CEP63: variants seen among roughly 807,000 people sequenced by gnomAD.
CEP63 encodes centrosomal protein 63.
A neutral mutation model predicts 89.1 loss-of-function variants in CEP63; 84 were observed. The observed-to-expected ratio is 0.94, with a 90% CI of 0.79 to 1.13. The LOEUF (loss-of-function observed/expected upper bound fraction) is 1.13, where lower values mean the gene tolerates loss of function less well. CEP63 is among the 50% of genes most tolerant of loss of function. The pLI is 0.00. For synonymous variants in CEP63, 267 were observed against 272.5 expected (o/e 0.98, Z 0.20); for missense variants, 838 against 813.3 (o/e 1.03, Z -0.37).
the CEP63 span, among the ~76,000 whole-genome samples, chr3:134,778,019 ATTT>A: frequency 6.6e-6 from 1 of 151,886 alleles, no homozygotes; most frequent in Non-Finnish European, 1.5e-5. Flanking sequence ...GTCTTCTCTC[ATTT>A]GTTCTGCAAG....
In CEP63 at chr3:134,545,146, C is replaced by T. The variant is rs754902656; in HGVS notation, c.556-440C>T. ...TCCCGAGTAGCTGGGATTACAGGCACGCGCCACCACGCCCAGCTAATTTTT... is the reference window on the plus strand; with the variant it reads ...TCCCGAGTAGCTGGGATTACAGGCATGCGCCACCACGCCCAGCTAATTTTT... On this transcript the variant is annotated intron_variant, in intron 6 of 14. Transcript: ENST00000675561. Among the ~76,000 whole-genome samples, 67 of 152,034 alleles carry T rather than the reference C, an allele frequency of 4.4e-4. 1 individual carries two copies. Among genetic ancestry groups the T allele is most frequent in the African/African-American group, 1.2e-3 (50 of 41,482 alleles).
At chr3:134,640,575 C>T in the CEP63 span, among the ~76,000 whole-genome samples, 1 of 152,012 alleles carries the variant, frequency 6.6e-6, no homozygotes, top group Non-Finnish European at 1.5e-5. Context: ...GTGTGGTTCG[C>T]AGAACAGAGC....
the CEP63 span, among the ~76,000 whole-genome samples, chr3:134,764,520 G>T: frequency 6.6e-6 from 1 of 152,072 alleles, no homozygotes; most frequent in African/African-American, 2.4e-5. Flanking sequence ...TGCTGCATTT[G>T]CCTCTCACAC....
intron 3 of CEP63, among the ~76,000 whole-genome samples, chr3:134,512,473 G>A (rs917269956): frequency 6.6e-6 from 1 of 152,124 alleles, no homozygotes; most frequent in African/African-American, 2.4e-5. Context: ...ATCATTATTA[G>A]CATTTAATGT....
chr3:134,542,085 C>G (rs1430583400), intron 6 of CEP63, among the ~76,000 whole-genome samples: 1 of 151,826 alleles, frequency 6.6e-6, no homozygotes, highest in African/African-American at 2.4e-5. Flanking sequence ...AAATATTAAG[C>G]CAACATAAAA....
intron 5 of CEP63, chr3:134,536,682 G>C (rs1490666268): frequency 2.8e-5 from 6 of 210,990 alleles, no homozygotes; most frequent in Non-Finnish European, 4.9e-5. Context: ...CTTAGTTTTA[G>C]ATACTGGGAA....
the CEP63 span, among the ~76,000 whole-genome samples, chr3:134,727,635 G>A: frequency 6.6e-6 from 1 of 152,208 alleles, no homozygotes; most frequent in Non-Finnish European, 1.5e-5. Context: ...TTGTTGTGAA[G>A]TCAATCTATA....
chr3:134,614,324 C>T, the CEP63 span, among the ~76,000 whole-genome samples: 2 of 152,146 alleles, frequency 1.3e-5, no homozygotes, highest in African/African-American at 4.8e-5. Flanking sequence ...ATCTTCGCTT[C>T]TACTTTACAG....
the CEP63 span, among the ~76,000 whole-genome samples, chr3:134,690,643 C>G: frequency 0.91 from 137,890 of 152,126 alleles, 63,189 homozygotes; most frequent in East Asian, 1. Flanking sequence ...TTGGTCTCAG[C>G]ATCCCTTTAA....
downstream of CEP63, among the ~76,000 whole-genome samples, chr3:134,591,967 C>T (rs1395574234): frequency 1.3e-5 from 2 of 152,128 alleles, no homozygotes; most frequent in Non-Finnish European, 2.9e-5. Context: ...AACAAATTAC[C>T]CCCAGATTTA....
chr3:134,726,495 C>A, the CEP63 span, among the ~76,000 whole-genome samples: 15 of 151,770 alleles, frequency 9.9e-5, no homozygotes, highest in African/African-American at 2.9e-4. Flanking sequence ...CACACACACA[C>A]ACACACACAC....
At chr3:134,661,201 C>T in the CEP63 span, among the ~76,000 whole-genome samples, 9 of 152,186 alleles carry the variant, frequency 5.9e-5, no homozygotes, top group African/African-American at 1.9e-4. Context: ...TCCACTCCAC[C>T]GCATACTTGA....
At chr3:134,601,368 A>G in the CEP63 span, among the ~76,000 whole-genome samples, 1 of 152,124 alleles carries the variant, frequency 6.6e-6, no homozygotes, top group Admixed American at 6.5e-5. Context: ...ATGCTCCAGG[A>G]TGTATTGATT....
At chr3:134,591,754 G>A (rs935153393), downstream of CEP63, among the ~76,000 whole-genome samples, 3 of 152,052 alleles carry the variant, frequency 2.0e-5, no homozygotes, top group Admixed American at 6.6e-5. Context: ...GGTGGTACAT[G>A]CCTGTAGTTC....
chr3:134,587,150 C>G (rs2107677034), intron 10 of CEP63, among the ~76,000 whole-genome samples: 1 of 152,278 alleles, frequency 6.6e-6, no homozygotes, highest in South Asian at 2.1e-4. Flanking sequence ...GCTTCGTTCG[C>G]TCAGAGAAGT....
At chr3:134,539,780 T>C (rs1195371932) in intron 6 of CEP63, among the ~76,000 whole-genome samples, 2 of 152,228 alleles carry the variant, frequency 1.3e-5, no homozygotes, top group African/African-American at 2.4e-5. Flanking sequence ...CTTTGACATA[T>C]GTTTGCTTGA....
At chr3:134,658,605 G>T in the CEP63 span, among the ~76,000 whole-genome samples, 1 of 152,208 alleles carries the variant, frequency 6.6e-6, no homozygotes, top group Non-Finnish European at 1.5e-5. Flanking sequence ...AGCAAGCTGA[G>T]ACTTCTTCCT....
chr3:134,746,549 G>A, the CEP63 span, among the ~76,000 whole-genome samples: 1 of 152,180 alleles, frequency 6.6e-6, no homozygotes, highest in African/African-American at 2.4e-5. Context: ...CAGTGTAAAA[G>A]CATTTCCATT....
chr3:134,503,034 A>AATT (rs1215671194), intron 2 of CEP63, among the ~76,000 whole-genome samples: 1 of 150,660 alleles, frequency 6.6e-6, no homozygotes, highest in Admixed American at 6.6e-5. Flanking sequence ...TGGTTTTGAG[A>AATT]ATTCCTCCTG....
Sources: gnomAD v4.1 joint callset for allele counts (sites outside exome capture counted in the v4.1 genomes callset) on GRCh38, gnomAD v4.1.1 for gene constraint, MANE v1.5 for transcripts, NCBI Gene and HGNC (gene_info 2026-07-23, HGNC 2026-07-21) for gene names.